Variants in ADARB2 observed in about 807,000 individuals in gnomAD.
ADARB2 encodes adenosine deaminase RNA specific B2 (inactive).
In ADARB2, 25 loss-of-function variants were observed where a neutral mutation model predicts 62.2. The observed-to-expected ratio is 0.40, with a 90% CI of 0.29 to 0.56. ADARB2 has a LOEUF of 0.56. Ranked by LOEUF, ADARB2 falls within the 20% of genes least tolerant of loss-of-function variation. The pLI, the probability that ADARB2 is intolerant of heterozygous loss-of-function variation, is 0.43. For missense variants in ADARB2, 1,071 were observed against 1,077.4 expected (o/e 0.99, Z 0.08); for synonymous variants, 572 against 500.8 (o/e 1.14, Z -1.90).
chr10:1,527,723 A>G (rs966422020), intron 1 of ADARB2, among the ~76,000 whole-genome samples: 7 of 152,130 alleles, frequency 4.6e-5, no homozygotes, highest in African/African-American at 1.7e-4. Flanking sequence ...TATCAGAATA[A>G]TTTTCTTCCG....
At chr10:1,462,817 G>C (rs765935919) in intron 1 of ADARB2, among the ~76,000 whole-genome samples, 2 of 151,966 alleles carry the variant, frequency 1.3e-5, no homozygotes, top group African/African-American at 2.4e-5. Context: ...GTGTGTGTCT[G>C]TGTGTAGTGT....
intron 3 of ADARB2, among the ~76,000 whole-genome samples, chr10:1,354,817 A>G (rs1832178151): frequency 6.6e-6 from 1 of 152,156 alleles, no homozygotes. Context: ...ATGAGTCCCA[A>G]AGGAAGGGGG....
intron 1 of ADARB2, among the ~76,000 whole-genome samples, chr10:1,585,669 T>C (rs528069421): frequency 6.6e-6 from 1 of 152,326 alleles, no homozygotes; most frequent in African/African-American, 2.4e-5. Flanking sequence ...TGTCCTACCT[T>C]TCTAGACCAA....
intron 1 of ADARB2, among the ~76,000 whole-genome samples, chr10:1,537,444 C>T (rs1832347335): frequency 6.6e-6 from 1 of 152,228 alleles, no homozygotes; most frequent in Admixed American, 6.5e-5. Flanking sequence ...CCATTTGGCC[C>T]AGCAATCCCA....
At chr10:1,717,610 T>A (rs1212990485) in intron 1 of ADARB2, among the ~76,000 whole-genome samples, 1 of 151,518 alleles carries the variant, frequency 6.6e-6, no homozygotes, top group Non-Finnish European at 1.5e-5. Context: ...GACAGTCTCG[T>A]TCTGTCACCA....
At chr10:1,687,981 T>C (rs1167802324) in intron 1 of ADARB2, among the ~76,000 whole-genome samples, 1 of 152,270 alleles carries the variant, frequency 6.6e-6, no homozygotes, top group African/African-American at 2.4e-5. Flanking sequence ...TTAAAGGCTC[T>C]GAGCAGATGG....
rs1249890866 is a variant in ADARB2, at chr10:1,596,666, G to T, written c.100+140385C>A. Among the ~76,000 whole-genome samples, 13 of 152,316 alleles carry T rather than the reference G, an allele frequency of 8.5e-5. 1 individual carries two copies. The East Asian group carries it at 2.5e-3, about 29-fold the overall frequency. ...GAGTGGCTGAGACCAGGGGAGCACT[G>T]CTCAGAATAGGATGAGGGAATCGGT... On this transcript the variant is annotated intron_variant, in intron 1 of 9. Transcript: ENST00000381312.
chr10:1,303,037 T>C (rs1831590224), intron 3 of ADARB2, among the ~76,000 whole-genome samples: 1 of 144,612 alleles, frequency 6.9e-6, no homozygotes, highest in African/African-American at 2.6e-5. Context: ...AGAATGACTT[T>C]GACTAGCTGA....
intron 1 of ADARB2, among the ~76,000 whole-genome samples, chr10:1,423,107 C>T (rs1484701316): frequency 6.6e-6 from 1 of 152,230 alleles, no homozygotes; most frequent in Non-Finnish European, 1.5e-5. Context: ...AGTCTCTCTG[C>T]TCCGAGTCCC....
intron 6 of ADARB2, among the ~76,000 whole-genome samples, chr10:1,225,967 A>T (rs1174950221): frequency 6.6e-6 from 1 of 152,076 alleles, no homozygotes; most frequent in East Asian, 1.9e-4. Flanking sequence ...GCTTTGCTAG[A>T]TTGGGGAAGT....
intron 3 of ADARB2, among the ~76,000 whole-genome samples, chr10:1,296,085 T>C (rs1233705873): frequency 1.3e-5 from 2 of 152,202 alleles, no homozygotes; most frequent in Non-Finnish European, 2.9e-5. Context: ...TGGAGACCCC[T>C]TCCTGTCATG....
chr10:1,247,453 A>G (rs1471350910), intron 4 of ADARB2, among the ~76,000 whole-genome samples: 1 of 152,120 alleles, frequency 6.6e-6, no homozygotes, highest in Non-Finnish European at 1.5e-5. Flanking sequence ...TCAGTATGAT[A>G]TTGGCTGTGG....
chr10:1,682,918 C>A (rs1323121851), intron 1 of ADARB2, among the ~76,000 whole-genome samples: 1 of 152,186 alleles, frequency 6.6e-6, no homozygotes, highest in Admixed American at 6.5e-5. Context: ...GCCCATGAGG[C>A]CAACACCTGA....
intron 6 of ADARB2, 109 bp from the exon 7 acceptor site, chr10:1,217,228 G>A (rs989959967): frequency 3.4e-6 from 4 of 1,160,006 alleles, no homozygotes; most frequent in African/African-American, 3.2e-5. Flanking sequence ...CCTCACCATG[G>A]CTGGGCGTTT....
intron 6 of ADARB2, among the ~76,000 whole-genome samples, chr10:1,230,454 A>G (rs1168187813): frequency 6.6e-6 from 1 of 152,186 alleles, no homozygotes; most frequent in East Asian, 1.9e-4. Context: ...AAGCCTGGCC[A>G]CTGGCATCCC....
chr10:1,658,816 G>C (rs910596681), intron 1 of ADARB2, among the ~76,000 whole-genome samples: 11 of 152,264 alleles, frequency 7.2e-5, no homozygotes, highest in Non-Finnish European at 1.5e-4. Context: ...CTCTGAGCTA[G>C]TCTCGCGGAG....
intron 1 of ADARB2, among the ~76,000 whole-genome samples, chr10:1,722,696 A>C (rs1191060406): frequency 6.6e-6 from 1 of 152,134 alleles, no homozygotes; most frequent in Non-Finnish European, 1.5e-5. Context: ...CCCTCGTCTT[A>C]ATTCATTGCA....
At chr10:1,533,689 C>A (rs1018523029) in intron 1 of ADARB2, among the ~76,000 whole-genome samples, 2 of 152,150 alleles carry the variant, frequency 1.3e-5, no homozygotes, top group African/African-American at 4.8e-5. Context: ...AACTATGTTC[C>A]AAAGAGCACC....
intron 1 of ADARB2, chr10:1,527,042 G>A: frequency 4.3e-6 from 1 of 233,362 alleles, no homozygotes; most frequent in Non-Finnish European, 9.2e-6. Flanking sequence ...CCGCATTTGG[G>A]GATGATATTA....
Sources: gnomAD v4.1 joint callset for allele counts (sites outside exome capture counted in the v4.1 genomes callset) on GRCh38, gnomAD v4.1.1 for gene constraint, MANE v1.5 for transcripts, NCBI Gene and HGNC (gene_info 2026-07-23, HGNC 2026-07-21) for gene names.